The following MYH6 variants were observed in gnomAD, a reference collection of about 807,000 sequenced individuals.
The protein encoded by MYH6 is myosin-6.
MYH6 carries 126 observed loss-of-function variants against 223.2 expected under a neutral mutation model. The ratio of observed to expected loss-of-function variants is 0.56; its 90% confidence interval spans 0.49 to 0.65. MYH6 has a LOEUF of 0.65. MYH6 is among the 30% of genes least tolerant of loss of function. The pLI is 0.00. For synonymous variants in MYH6, 978 were observed against 1,010.2 expected, an observed-to-expected ratio of 0.97 and a Z score of 0.61; for missense variants, 2,040 against 2,536.4, an observed-to-expected ratio of 0.80 and a Z score of 4.20.
chr14:23,389,275 A>G, intron 28 of MYH6, 118 bp downstream of exon 28: 1 of 1,267,882 alleles, frequency 7.9e-7, no homozygotes, highest in East Asian at 2.3e-5. Context: ...CAGAACCTAG[A>G]CTGGAGGGTC....
In MYH6 at chr14:23,400,981, G is replaced by C. The variant is rs1891582778; in HGVS notation, c.1142-4C>G. On this transcript the variant is annotated splice_region_variant and splice_polypyrimidine_tract_variant and intron_variant, in intron 12 of 38. Coordinates refer to ENST00000405093, the MANE Select transcript of MYH6 (RefSeq NM_002471.4). ...AGGTAGGCCGACTTGTCAGCATCTG[G>C]TTGAGAGGGAAAGGATAAGTGAGCA... 6.2e-7 allele frequency: 1 copy of C among 1,614,034 alleles called. No homozygotes were observed. The highest frequency in any genetic ancestry group is 8.5e-7 in the Non-Finnish European group (1 of 1,179,996).
Position 23,396,330 on chromosome 14 carries a change from G to T in MYH6, c.2383C>A (p.Arg795=). The T allele has an allele frequency of 6.2e-7, 1 of 1,614,090 alleles. No homozygotes were observed. The highest frequency in any genetic ancestry group is 2.2e-5 in the East Asian group (1 of 44,872). Residue 795 remains arginine (R), a synonymous_variant, in exon 20 of 39, where the codon CGG becomes AGG. Coordinates refer to ENST00000405093, the MANE Select transcript of MYH6 (RefSeq NM_002471.4). ...AACTCAATGCGCATGAGCTGGCCCC[G>T]GGCTTGGGCCTGCATGCGCGTGATG... ...RIITRMQAQA[R]GQLMRIEFKK...
chr14:23,394,468 T>C, intron 20 of MYH6, 145 bp from the exon 21 acceptor site: 3 of 1,106,308 alleles, frequency 2.7e-6, no homozygotes, highest in Non-Finnish European at 3.8e-6. Context: ...ATGGAGTTGC[T>C]TGATAAATAT....
At chr14:23,404,639 G>T in intron 7 of MYH6, 72 bp downstream of exon 7, 1 of 1,425,148 alleles carries the variant, frequency 7.0e-7, no homozygotes, top group Non-Finnish European at 9.9e-7. Flanking sequence ...ACAGGGAGGG[G>T]AGGGTTAGGG....
rs751088892 is a variant in MYH6 at position 23,405,675 on chromosome 14, G to A, written c.297C>T (p.Pro99=). 1.7e-5 allele frequency: 27 copies of A among 1,614,166 alleles called. No homozygotes were observed. The highest frequency in any genetic ancestry group is 1.7e-4 in the Admixed American group (10 of 60,022). ...GCTCCTTGAGGTTGAAAAGCACCGC[G>A]GGCTCGTGCAGGAAGGTCAGCATGG... ...DMAMLTFLHE[P]AVLFNLKERY... Residue 99 remains proline (P), a synonymous_variant, in exon 4 of 39, where the codon CCC becomes CCT. Coordinates refer to ENST00000405093, the MANE Select transcript of MYH6 (RefSeq NM_002471.4). This position sits in a 1 kb window ranked among gnomAD's most constrained non-coding sequence, Gnocchi z 4.7.
intron 16 of MYH6, 39 bp from the exon 17 acceptor site, chr14:23,397,296 G>A (rs749093937): frequency 2.5e-5 from 40 of 1,587,246 alleles, no homozygotes; most frequent in Non-Finnish European, 3.3e-5. Context: ...GAGCCACAAG[G>A]ACCATCCCTT....
At chr14:23,387,456 C>T in intron 32 of MYH6, 73 bp downstream of exon 32, 1 of 1,600,596 alleles carries the variant, frequency 6.2e-7, no homozygotes, top group Admixed American at 1.7e-5. Flanking sequence ...GGGTCAGGGT[C>T]ACCCCCAGGT....
At position 23,382,568 on chromosome 14, in the gene MYH6, G is replaced by T. The variant is rs183733802; in HGVS notation, c.5662-6C>A. On this transcript the variant is annotated splice_polypyrimidine_tract_variant and splice_region_variant and intron_variant, in intron 37 of 38. Coordinates refer to ENST00000405093, the MANE Select transcript of MYH6 (RefSeq NM_002471.4). Reference sequence around the variant, plus strand: ...TTGGTGTTGGCTTGCTCCTCCTGTGGTGGGACAGTGGGGATGGGTGAATGA... The same window carrying T: ...TTGGTGTTGGCTTGCTCCTCCTGTGTTGGGACAGTGGGGATGGGTGAATGA... 3 of 1,614,188 alleles carry T rather than the reference G, an allele frequency of 1.9e-6. No homozygotes were observed. Among genetic ancestry groups the T allele is most frequent in the Non-Finnish European group, 2.5e-6 (3 of 1,180,024 alleles).
intron 25 of MYH6, among the ~76,000 whole-genome samples, chr14:23,391,676 GT>G (rs1035244387): frequency 3.9e-5 from 6 of 152,192 alleles, no homozygotes; most frequent in Non-Finnish European, 7.4e-5. Flanking sequence ...CAGTAGCCGA[GT>G]TCCTGTTGCC....
rs145566711 is a variant in MYH6 at position 23,388,194 on chromosome 14, A to T, written c.4320T>A (p.Ala1440=). The change falls in exon 30 of 39, where the codon GCT becomes GCA. Residue 1440 remains alanine (A), a synonymous_variant. Coordinates refer to ENST00000405093, the MANE Select transcript of MYH6 (RefSeq NM_002471.4). ...LMVDVERSNA[A]AAALDKKQRN... Reference sequence around the variant, plus strand: ...TCTGCTTCTTGTCCAGGGCTGCAGCAGCAGCATTGGAGCGCTCTACGTCCA... The same window carrying T: ...TCTGCTTCTTGTCCAGGGCTGCAGCTGCAGCATTGGAGCGCTCTACGTCCA... 513 of 1,612,362 alleles carry T rather than the reference A, an allele frequency of 3.2e-4. 2 individuals carry two copies. In the African/African-American group the frequency reaches 6.0e-3, roughly 19 times the overall value.
At chr14:23,383,561 G>A (rs1348727377) in intron 36 of MYH6, among the ~76,000 whole-genome samples, 2 of 152,182 alleles carry the variant, frequency 1.3e-5, no homozygotes, top group Non-Finnish European at 2.9e-5. Flanking sequence ...GAAGTAGGGG[G>A]AGGGGCTCAG....
In MYH6 at chr14:23,388,972, C is replaced by T. The variant is rs754664098; in HGVS notation, c.4062G>A (p.Glu1354=). 9.9e-6 allele frequency: 16 copies of T among 1,613,674 alleles called. No individual in the cohort carries two copies. The highest frequency in any genetic ancestry group is 1.3e-5 in the Non-Finnish European group (15 of 1,180,040). The change falls in exon 29 of 39, where the codon GAG becomes GAA. Residue 1354 remains glutamate, a synonymous_variant. Coordinates refer to ENST00000405093, the MANE Select transcript of MYH6 (RefSeq NM_002471.4). The part of the protein sequence containing the change: ...LLREQYEEET[E]AKAELQRVLS... ...GGACGCGCTGCAGCTCGGCCTTGGC[C>T]TCTGTCTCCTCCTCGTACTGCTCCC...
At position 23,386,533 on chromosome 14, in the gene MYH6, T is replaced by C; in HGVS notation, c.4741A>G (p.Lys1581Glu). ...TTGGCCTGTTCCATCTCCTCGTCCT[T>C]CTCTGCCAGCTTCCGCTCGATCTCT... ...KAEIERKLAE[K>E]DEEMEQAKRN... Residue 1581 changes from lysine to glutamate, a missense_variant, in exon 33 of 39, where the codon AAG becomes GAG. By Grantham distance (56) the Lys-to-Glu change is moderately conservative. Around this residue, in one of 4 missense-constraint regions of MYH6, gnomAD observed 1,203 missense variants for 1,400.2 expected, o/e 0.86. Transcript: ENST00000405093. 4 of 1,613,936 alleles carry C rather than the reference T, an allele frequency of 2.5e-6. No homozygotes were observed. The highest frequency in any genetic ancestry group is 2.5e-6 in the Non-Finnish European group (3 of 1,179,922).
chr14:23,400,154 G>C (rs761747639), intron 14 of MYH6, 102 bp downstream of exon 14: 8 of 1,565,354 alleles, frequency 5.1e-6, no homozygotes, highest in Non-Finnish European at 6.1e-6. Context: ...AGAAAGGCCT[G>C]GGATTCTTGG....
chr14:23,397,611 C>G lies in MYH6; in HGVS notation c.1894G>C (p.Asp632His). 1 of 1,614,108 alleles carries G rather than the reference C, an allele frequency of 6.2e-7. No homozygotes were observed. The highest frequency in any genetic ancestry group is 1.1e-5 in the South Asian group (1 of 91,084). ...FSSYATADTG[D>H]SGKSKGGKKK... ...TTGCCTCCTTTGCTTTTACCACTGT[C>G]CCCTAAACAGCGAGAGGAGAAATAA... Residue 632 changes from aspartate to histidine, a missense_variant and splice_region_variant, in exon 16 of 39, where the codon GAC becomes CAC. Asp to His is a moderately conservative substitution (Grantham distance 81). Coordinates refer to ENST00000405093, the MANE Select transcript of MYH6 (RefSeq NM_002471.4).
In MYH6 at chr14:23,385,386, T is replaced by C. The variant is rs369312443; in HGVS notation, c.5164-345A>G. 4.3e-4 allele frequency among the ~76,000 whole-genome samples: 65 copies of C among 151,204 alleles called. No homozygotes were observed. In the South Asian group the frequency reaches 0.014, roughly 32 times the overall value. ...CAGGACAATATTCCAGAGATGTTTA[T>C]AGCTATACCAAGAATGTAGTGGGGT... On this transcript the variant is annotated intron_variant, in intron 34 of 38. Coordinates refer to ENST00000405093, the MANE Select transcript of MYH6 (RefSeq NM_002471.4).
At position 23,390,369 on chromosome 14, in the gene MYH6, G is replaced by A. The variant is rs1057523901; in HGVS notation, c.3420C>T (p.Asp1140=). Residue 1140 remains aspartate (D), a synonymous_variant, in exon 26 of 39, where the codon GAC becomes GAT. Transcript: ENST00000405093. ...ARAKVEKLRS[D]LSRELEEISE... The stretch of plus-strand genomic sequence containing the variant: ...TGATCTCCTCCAGCTCCCGAGACAG[G>A]TCTGAGCGCAGCTTCTCCACCTTAG... 9.3e-6 allele frequency: 15 copies of A among 1,607,604 alleles called. No individual in the cohort carries two copies. The Admixed American group carries it at 2.0e-4, about 22-fold the overall frequency.
intron 35 of MYH6, 74 bp from the exon 36 acceptor site, chr14:23,384,791 C>T: frequency 1.9e-6 from 3 of 1,613,646 alleles, no homozygotes; most frequent in South Asian, 1.1e-5. Flanking sequence ...GATCTCCTTT[C>T]TCCCATCAGG....
chr14:23,390,642 G>A (rs1217112663), intron 25 of MYH6, among the ~76,000 whole-genome samples, 196 bp from the exon 26 acceptor site: 2 of 152,140 alleles, frequency 1.3e-5, no homozygotes, highest in Non-Finnish European at 2.9e-5. Context: ...CATCTAGAGG[G>A]TAGGGGCCAG....
Sources: gnomAD v4.1 joint callset for allele counts (sites outside exome capture counted in the v4.1 genomes callset) on GRCh38, gnomAD v4.1.1 for gene constraint, gnomAD v4.1.1 regional missense constraint, Gnocchi (gnomAD v3.1) non-coding constraint, MANE v1.5 for transcripts, NCBI Gene and HGNC (gene_info 2026-07-23, HGNC 2026-07-21) for gene names.